Variants in YWHAE observed in about 807,000 individuals in gnomAD.
YWHAE encodes the protein tyrosine 3-monooxygenase/tryptophan 5-monooxygenase activation protein epsilon, also known as 14-3-3 protein epsilon.
In YWHAE, 4 loss-of-function variants were observed where a neutral mutation model predicts 30.1. The observed-to-expected ratio is 0.13, with a 90% CI of 0.07 to 0.30. The LOEUF (loss-of-function observed/expected upper bound fraction) is 0.30. Among genes scored for constraint, YWHAE ranks in the 10% least tolerant of loss-of-function variants. The pLI is 1.00. For synonymous variants in YWHAE, 118 were observed against 111.8 expected, an observed-to-expected ratio of 1.06 and a Z score of -0.35; for missense variants, 121 against 315.9, an observed-to-expected ratio of 0.38 and a Z score of 4.68.
At chr17:1,370,389 C>A (rs2073019017) in intron 1 of YWHAE, among the ~76,000 whole-genome samples, 6 of 151,814 alleles carry the variant, frequency 4.0e-5, no homozygotes, top group Admixed American at 3.9e-4. Flanking sequence ...CCTTGGCCTC[C>A]CAAAGTGCTG....
At chr17:1,349,549 T>C (rs9896486) in intron 5 of YWHAE, among the ~76,000 whole-genome samples, 1 of 151,824 alleles carries the variant, frequency 6.6e-6, no homozygotes, top group Non-Finnish European at 1.5e-5. Flanking sequence ...AAATTACTCT[T>C]CTTAACCAAA....
intron 5 of YWHAE, among the ~76,000 whole-genome samples, chr17:1,353,196 T>C (rs945300269): frequency 6.6e-6 from 1 of 152,006 alleles, no homozygotes; most frequent in Non-Finnish European, 1.5e-5. Context: ...CCCAGCACTT[T>C]GGGAGGCCGA....
chr17:1,399,851 A>G (rs2073539824), intron 1 of YWHAE, 196 bp downstream of exon 1: 2 of 615,034 alleles, frequency 3.3e-6, no homozygotes, highest in African/African-American at 1.9e-5. Flanking sequence ...GCAGTTAAGG[A>G]CGGCGAAGGG....
chr17:1,348,034 A>C, intron 5 of YWHAE: 1 of 996,316 alleles, frequency 1.0e-6, no homozygotes, highest in Non-Finnish European at 1.2e-6. Flanking sequence ...AAAGGGAGGG[A>C]GAACAATCAT....
chr17:1,365,064 T>G lies in YWHAE; in HGVS notation c.65-6A>C. 1 of 1,613,300 alleles carries G rather than the reference T, an allele frequency of 6.2e-7. No homozygotes were observed. The highest frequency in any genetic ancestry group is 8.5e-7 in the Non-Finnish European group (1 of 1,179,826). The stretch of plus-strand genomic sequence containing the variant: ...CTTCATTGACTCCACCATTTCTGTA[T>G]GGGAAAAGGAAAAGTCAGACCTTAC... On this transcript the variant is annotated splice_region_variant and splice_polypyrimidine_tract_variant and intron_variant, in intron 1 of 5. Coordinates refer to ENST00000264335, the MANE Select transcript of YWHAE (RefSeq NM_006761.5).
intron 1 of YWHAE, among the ~76,000 whole-genome samples, chr17:1,397,863 G>T (rs954196221): frequency 6.6e-6 from 1 of 152,112 alleles, no homozygotes; most frequent in Non-Finnish European, 1.5e-5. Flanking sequence ...TCACCTTGTA[G>T]ATCCTATTTC....
intron 1 of YWHAE, among the ~76,000 whole-genome samples, chr17:1,371,725 A>T (rs80319265): frequency 0.015 from 2,302 of 152,230 alleles, 52 homozygotes; most frequent in African/African-American, 0.053. Context: ...TTCTAACACA[A>T]GGCTGTTTTG....
At chr17:1,380,431 G>A (rs1337959074) in intron 1 of YWHAE, among the ~76,000 whole-genome samples, 1 of 152,098 alleles carries the variant, frequency 6.6e-6, no homozygotes, top group Non-Finnish European at 1.5e-5. Flanking sequence ...TTATTCATAT[G>A]CTATTTGACC....
intron 5 of YWHAE, among the ~76,000 whole-genome samples, chr17:1,353,351 T>C (rs978411054): frequency 7.0e-6 from 1 of 143,872 alleles, no homozygotes; most frequent in African/African-American, 2.7e-5. Context: ...GGTGGGAGAA[T>C]GGTGTAAACC....
intron 2 of YWHAE, among the ~76,000 whole-genome samples, chr17:1,362,636 G>A (rs907017428): frequency 9.9e-5 from 15 of 151,952 alleles, no homozygotes; most frequent in Non-Finnish European, 1.9e-4. Context: ...TGCTGAACAC[G>A]CACACCACCT....
rs563863523 is a variant in YWHAE, at chr17:1,355,036, C to T, written c.579-689G>A. On this transcript the variant is annotated intron_variant, in intron 4 of 5. Coordinates refer to ENST00000264335, the MANE Select transcript of YWHAE (RefSeq NM_006761.5). ...TGTTGCCCAGGCTGGACTTGAACTC[C>T]TGCGTTCAAGCAATCTTCCGAACCT... 3.6e-5 allele frequency among the ~76,000 whole-genome samples: 4 copies of T among 110,310 alleles called. No homozygotes were observed. The East Asian group carries it at 1.2e-3, about 33-fold the overall frequency. 72.4% of individuals were successfully genotyped at this position (110,310 alleles called of 152,430 possible). A position where few individuals can be genotyped will look rare whatever the true frequency, so the allele number is the denominator to read the frequency against.
chr17:1,353,452 A>AAT (rs1555638843), intron 5 of YWHAE, among the ~76,000 whole-genome samples: 1 of 105,770 alleles, frequency 9.5e-6, no homozygotes, highest in African/African-American at 2.9e-5. Flanking sequence ...AAAAAAAAAG[A>AAT]AAAGAAAAGA....
At chr17:1,366,722 C>G (rs558487356) in intron 1 of YWHAE, among the ~76,000 whole-genome samples, 1 of 151,948 alleles carries the variant, frequency 6.6e-6, no homozygotes, top group Admixed American at 6.6e-5. Flanking sequence ...GTGGGTGGAT[C>G]GCCTGAGGTC....
intron 5 of YWHAE, among the ~76,000 whole-genome samples, chr17:1,346,904 T>G (rs1002913216): frequency 5.3e-5 from 8 of 150,646 alleles, no homozygotes; most frequent in African/African-American, 2.0e-4. Context: ...GGCATGAGAA[T>G]TGCTTGAACC....
intron 1 of YWHAE, among the ~76,000 whole-genome samples, chr17:1,371,839 C>CTTTT (rs368590864): frequency 3.6e-5 from 5 of 138,544 alleles, no homozygotes; most frequent in African/African-American, 1.1e-4. Context: ...TGACCCTGTA[C>CTTTT]TTTTTTTTTT....
intron 5 of YWHAE, among the ~76,000 whole-genome samples, chr17:1,347,545 GA>G (rs889176923): frequency 6.2e-4 from 94 of 151,722 alleles, no homozygotes; most frequent in Non-Finnish European, 9.9e-4. Flanking sequence ...TCATAAGACA[GA>G]AAAAAAATAT....
At chr17:1,382,081 C>T (rs538078220) in intron 1 of YWHAE, among the ~76,000 whole-genome samples, 5 of 152,230 alleles carry the variant, frequency 3.3e-5, no homozygotes, top group East Asian at 3.9e-4. Flanking sequence ...TGGAGTCTCG[C>T]TCTGTCACCC....
chr17:1,361,608 G>T (rs527831142), intron 3 of YWHAE: 3 of 422,456 alleles, frequency 7.1e-6, no homozygotes, highest in Non-Finnish European at 1.2e-5. Flanking sequence ...GGAATGGCAT[G>T]ACAGTTTATT....
chr17:1,392,323 C>T (rs755863686), intron 1 of YWHAE, among the ~76,000 whole-genome samples: 1 of 152,110 alleles, frequency 6.6e-6, no homozygotes, highest in Non-Finnish European at 1.5e-5. Flanking sequence ...TGCAGTGAAT[C>T]GTTACTGCAT....
Sources: gnomAD v4.1 joint callset for allele counts (sites outside exome capture counted in the v4.1 genomes callset) on GRCh38, gnomAD v4.1.1 for gene constraint, MANE v1.5 for transcripts, NCBI Gene and HGNC (gene_info 2026-07-23, HGNC 2026-07-21) for gene names.